SMPDL3B: variants seen among roughly 807,000 people sequenced by gnomAD.
SMPDL3B encodes the protein acid sphingomyelinase-like phosphodiesterase 3b.
Under a neutral mutation model 37.9 loss-of-function variants are expected in SMPDL3B, and 31 were observed. That is an observed-to-expected ratio of 0.82 (90% CI 0.61 to 1.10). The LOEUF is 1.10. SMPDL3B is among the 50% of genes least tolerant of loss of function. The probability of loss-of-function intolerance (pLI) is 0.00; values close to 1 mark genes in which losing one functional copy is unlikely to be tolerated. For missense variants in SMPDL3B, 525 were observed against 597.8 expected, an observed-to-expected ratio of 0.88 and a Z score of 1.27; for synonymous variants, 235 against 242.6, an observed-to-expected ratio of 0.97 and a Z score of 0.29.
intron 1 of SMPDL3B, among the ~76,000 whole-genome samples, chr1:27,940,627 T>A (rs1286350909): frequency 2.0e-5 from 3 of 152,150 alleles, no homozygotes; most frequent in Non-Finnish European, 4.4e-5. Context: ...CTGTACTCAA[T>A]ACCAAATTTA....
intron 1 of SMPDL3B, among the ~76,000 whole-genome samples, chr1:27,941,029 A>C (rs1208149051): frequency 6.6e-6 from 1 of 152,180 alleles, no homozygotes; most frequent in African/African-American, 2.4e-5. Flanking sequence ...GGCTTGCCCA[A>C]AGCCCCTAGG....
chr1:27,955,347 G>T (rs1169772098), intron 5 of SMPDL3B, among the ~76,000 whole-genome samples: 1 of 152,210 alleles, frequency 6.6e-6, no homozygotes, highest in Non-Finnish European at 1.5e-5. Flanking sequence ...CGCAAGAATG[G>T]TTTCGTTGCA....
At chr1:27,937,219 T>C (rs2090317457) in intron 1 of SMPDL3B, among the ~76,000 whole-genome samples, 3 of 152,204 alleles carry the variant, frequency 2.0e-5, no homozygotes, top group Admixed American at 6.5e-5. Flanking sequence ...GGATGCCAAC[T>C]TGCTGGCTCC....
At chr1:27,953,666 G>A (rs558310611) in intron 4 of SMPDL3B, among the ~76,000 whole-genome samples, 9 of 152,292 alleles carry the variant, frequency 5.9e-5, no homozygotes, top group Non-Finnish European at 1.0e-4. Context: ...GGAAGGAGTG[G>A]TTTCATTTCC....
chr1:27,946,474 G>T (rs1038558399), intron 2 of SMPDL3B, among the ~76,000 whole-genome samples: 7 of 152,164 alleles, frequency 4.6e-5, no homozygotes, highest in Non-Finnish European at 1.0e-4. Flanking sequence ...TGAGATGATG[G>T]ACACCCACAC....
At chr1:27,948,139 T>C (rs2090425947) in intron 2 of SMPDL3B, among the ~76,000 whole-genome samples, 1 of 152,084 alleles carries the variant, frequency 6.6e-6, no homozygotes, top group Non-Finnish European at 1.5e-5. Flanking sequence ...GTACAATTTT[T>C]CCCCCGTGTC....
intron 1 of SMPDL3B, among the ~76,000 whole-genome samples, chr1:27,939,797 G>A (rs998313331): frequency 6.9e-6 from 1 of 144,900 alleles, no homozygotes; most frequent in Non-Finnish European, 1.5e-5. Flanking sequence ...CTCCAGCCTG[G>A]GTTTTTGTTT....
At chr1:27,942,446 C>A in intron 1 of SMPDL3B, 1 of 427,418 alleles carries the variant, frequency 2.3e-6, no homozygotes, top group Non-Finnish European at 4.8e-6. Flanking sequence ...TGAGGCAGTT[C>A]ATTCCTTTAC....
At chr1:27,955,539 G>C (rs2090492521) in intron 5 of SMPDL3B, 145 bp from the exon 6 acceptor site, 1 of 755,604 alleles carries the variant, frequency 1.3e-6, no homozygotes, top group East Asian at 2.5e-5. Context: ...GAGAAAGTGG[G>C]ACATGGAATC....
intron 5 of SMPDL3B, 56 bp downstream of exon 5, chr1:27,954,582 C>T: frequency 1.3e-6 from 2 of 1,556,224 alleles, no homozygotes; most frequent in East Asian, 2.2e-5. Flanking sequence ...GCACAAGTCT[C>T]CCGCTTGGCA....
chr1:27,947,686 C>T (rs1478505422), intron 2 of SMPDL3B, among the ~76,000 whole-genome samples: 5 of 144,298 alleles, frequency 3.5e-5, no homozygotes, highest in South Asian at 2.2e-4. Flanking sequence ...CTCGCTCTGT[C>T]GCCCAGGCTG....
chr1:27,954,625 T>A, intron 5 of SMPDL3B, 99 bp downstream of exon 5: 1 of 1,122,090 alleles, frequency 8.9e-7, no homozygotes, highest in South Asian at 1.4e-5. Flanking sequence ...GATGCCCATA[T>A]CCCAGAGGGT....
At chr1:27,939,552 C>T (rs1362088266) in intron 1 of SMPDL3B, among the ~76,000 whole-genome samples, 1 of 152,078 alleles carries the variant, frequency 6.6e-6, no homozygotes, top group Non-Finnish European at 1.5e-5. Context: ...AGTGTGGTGG[C>T]TCATACCTGT....
intron 1 of SMPDL3B, among the ~76,000 whole-genome samples, chr1:27,938,626 C>T (rs1171565434): frequency 6.6e-6 from 1 of 152,132 alleles, no homozygotes; most frequent in Non-Finnish European, 1.5e-5. Context: ...ACAGATGGTC[C>T]CTGACTTACG....
intron 5 of SMPDL3B, among the ~76,000 whole-genome samples, chr1:27,955,385 G>T (rs1223166962): frequency 6.6e-6 from 1 of 152,218 alleles, no homozygotes; most frequent in African/African-American, 2.4e-5. Flanking sequence ...GAGAAGAGTA[G>T]TCTTTGAAGG....
intron 1 of SMPDL3B, among the ~76,000 whole-genome samples, chr1:27,939,922 G>A (rs1029822829): frequency 3.3e-5 from 5 of 152,138 alleles, no homozygotes; most frequent in Admixed American, 2.0e-4. Context: ...TTACCGGTGT[G>A]AGCCAATGCA....
intron 3 of SMPDL3B, among the ~76,000 whole-genome samples, chr1:27,952,239 C>A (rs1238778376): frequency 6.6e-6 from 1 of 151,752 alleles, no homozygotes; most frequent in African/African-American, 2.4e-5. Flanking sequence ...TTTTTCTAGG[C>A]AGTTACAGTG....
At chr1:27,957,183 G>A (rs1257305300) in intron 7 of SMPDL3B, among the ~76,000 whole-genome samples, 1 of 152,160 alleles carries the variant, frequency 6.6e-6, no homozygotes, top group East Asian at 1.9e-4. Flanking sequence ...GTAGGGGCAG[G>A]TGGGGGAGCA....
At chr1:27,939,206 C>A (rs901189052) in intron 1 of SMPDL3B, 7 of 152,208 alleles carry the variant, frequency 4.6e-5, no homozygotes, top group African/African-American at 1.7e-4. Flanking sequence ...TCCTGCCCCC[C>A]TGTCTCCAAC....
Sources: allele counts gnomAD v4.1 joint callset (sites outside exome capture counted in the v4.1 genomes callset), GRCh38; gene constraint gnomAD v4.1.1; transcripts MANE v1.5; gene names NCBI Gene and HGNC (gene_info 2026-07-23, HGNC 2026-07-21).